CNTN1: variants seen among roughly 807,000 people sequenced by gnomAD.
CNTN1 encodes the protein contactin-1.
A neutral mutation model predicts 126.4 loss-of-function variants in CNTN1; 38 were observed. The ratio of observed to expected loss-of-function variants is 0.30; its 90% CI spans 0.23 to 0.39. The LOEUF is 0.39. Among genes scored for constraint, CNTN1 ranks in the 10% least tolerant of loss-of-function variants. The probability of loss-of-function intolerance (pLI) is 1.00; values close to 1 mark genes in which losing one functional copy is unlikely to be tolerated. For missense variants in CNTN1, 1,009 were observed against 1,248.4 expected (o/e 0.81, Z 2.89); for synonymous variants, 413 against 422.6 (o/e 0.98, Z 0.28).
At chr12:40,746,434 G>C (rs1376573750) in intron 1 of CNTN1, among the ~76,000 whole-genome samples, 1 of 152,094 alleles carries the variant, frequency 6.6e-6, no homozygotes, top group Non-Finnish European at 1.5e-5. Context: ...GAATTTGACT[G>C]AGGGGCATAA....
In CNTN1 at chr12:40,826,644, C is replaced by T. The variant is rs1381453730; in HGVS notation, c.-76-81713C>T. Among the ~76,000 whole-genome samples the T allele has an allele frequency of 2.0e-5, 3 of 152,182 alleles. No homozygotes were observed. In the South Asian group the frequency reaches 6.2e-4, roughly 32 times the overall value. On this transcript the variant is annotated intron_variant, in intron 1 of 23. Coordinates refer to ENST00000551295, the MANE Select transcript of CNTN1 (RefSeq NM_001843.4). ...TCTGCACCTATTGTCATCAGCACCC[C>T]TACTACCTTCAAGGGCTGATATCAA... is the stretch of plus-strand genomic sequence containing the variant.
intron 1 of CNTN1, among the ~76,000 whole-genome samples, chr12:40,791,315 A>T (rs1940212943): frequency 6.6e-6 from 1 of 152,172 alleles, no homozygotes; most frequent in African/African-American, 2.4e-5. Flanking sequence ...GACAATACGT[A>T]TACGTAGAGT....
intron 20 of CNTN1, 66 bp downstream of exon 20, chr12:41,020,506 G>A: frequency 6.9e-6 from 7 of 1,018,896 alleles, no homozygotes; most frequent in Non-Finnish European, 6.0e-6. Flanking sequence ...GTTTTCAAAT[G>A]TGTTGTATGT....
chr12:40,717,981 C>T (rs1942090970), intron 1 of CNTN1, among the ~76,000 whole-genome samples: 1 of 152,120 alleles, frequency 6.6e-6, no homozygotes, highest in African/African-American at 2.4e-5. Flanking sequence ...AATTGAATGA[C>T]TTAAAAGTAG....
At chr12:40,708,359 G>A (rs1453806141) in intron 1 of CNTN1, among the ~76,000 whole-genome samples, 1 of 152,166 alleles carries the variant, frequency 6.6e-6, no homozygotes, top group Non-Finnish European at 1.5e-5. Flanking sequence ...TATTAAGTGT[G>A]CAATAGCATT....
intron 1 of CNTN1, among the ~76,000 whole-genome samples, chr12:40,785,486 C>T (rs1474948675): frequency 3.9e-5 from 6 of 152,030 alleles, no homozygotes; most frequent in South Asian, 2.1e-4. Flanking sequence ...TGGGTGCGGG[C>T]GGGCTGAGTC....
In CNTN1 at chr12:40,913,628, G is replaced by A. The variant is rs147427910; in HGVS notation, c.94+3523G>A. Among the ~76,000 whole-genome samples the A allele has an allele frequency of 5.9e-4, 90 of 152,248 alleles. 1 individual carries two copies. The East Asian group carries it at 6.6e-3, about 11-fold the overall frequency. ...ATATAAAATGAATACAAATATCTCT[G>A]AAGTACAAATCATAATTTTACTTTC... On this transcript the variant is annotated intron_variant, in intron 3 of 23. Coordinates refer to ENST00000551295, the MANE Select transcript of CNTN1 (RefSeq NM_001843.4).
intron 3 of CNTN1, among the ~76,000 whole-genome samples, chr12:40,911,733 G>A (rs779610485): frequency 1.3e-5 from 2 of 152,008 alleles, no homozygotes; most frequent in Non-Finnish European, 2.9e-5. Context: ...GAGCATGCTT[G>A]TTTTTTTTCT....
chr12:40,922,404 A>G lies in CNTN1; in HGVS notation c.376A>G (p.Thr126Ala), dbSNP rs539717649. ...TAATAACTACGGGATGGTCAGAAGC[A>G]CTGAAGCAACCCTGAGCTTTGGATG... ...ASNNYGMVRS[T>A]EATLSFGYLD... Residue 126 changes from threonine to alanine, a missense_variant, in exon 5 of 24, where the codon ACT (threonine) becomes GCT (alanine). Coordinates refer to ENST00000551295, the MANE Select transcript of CNTN1 (RefSeq NM_001843.4). 1 of 1,614,048 alleles carries G rather than the reference A, an allele frequency of 6.2e-7. No homozygotes were observed. The highest frequency in any genetic ancestry group is 1.1e-5 in the South Asian group (1 of 91,090).
At chr12:40,799,538 C>A (rs568843317) in intron 1 of CNTN1, among the ~76,000 whole-genome samples, 21 of 151,976 alleles carry the variant, frequency 1.4e-4, no homozygotes, top group South Asian at 8.3e-4. Flanking sequence ...CTACACTTGG[C>A]TCTCCTTGTG....
intron 16 of CNTN1, among the ~76,000 whole-genome samples, chr12:40,985,554 A>G (rs553421417): frequency 6.6e-5 from 10 of 152,026 alleles, no homozygotes; most frequent in Admixed American, 4.6e-4. Context: ...TTTTGTCTCC[A>G]TTGTTTTGGG....
intron 1 of CNTN1, among the ~76,000 whole-genome samples, chr12:40,868,540 G>A (rs891386171): frequency 6.6e-6 from 1 of 152,074 alleles, no homozygotes; most frequent in Non-Finnish European, 1.5e-5. Context: ...CTCAGCAGTA[G>A]CATTCCTTTA....
At chr12:40,829,006 T>C (rs78356706) in intron 1 of CNTN1, among the ~76,000 whole-genome samples, 1 of 152,246 alleles carries the variant, frequency 6.6e-6, no homozygotes, top group Admixed American at 6.5e-5. Flanking sequence ...TATACAATTA[T>C]AGGACCCACT....
chr12:40,718,518 C>G (rs866026731), intron 1 of CNTN1, among the ~76,000 whole-genome samples: 98 of 152,200 alleles, frequency 6.4e-4, no homozygotes, highest in African/African-American at 2.2e-3. Context: ...CGAGAGGCTT[C>G]CAGTCAACAC....
intron 1 of CNTN1, among the ~76,000 whole-genome samples, chr12:40,712,480 T>A (rs574681355): frequency 9.9e-5 from 15 of 152,212 alleles, no homozygotes; most frequent in African/African-American, 3.4e-4. Context: ...GTTCTTATAC[T>A]CTGTCATCTG....
chr12:40,848,910 TTAAA>T (rs1428172117), intron 1 of CNTN1, among the ~76,000 whole-genome samples: 12 of 151,964 alleles, frequency 7.9e-5, no homozygotes, highest in East Asian at 5.8e-4. Context: ...AATTGCCCTC[TTAAA>T]TAAAATAATC....
At chr12:40,899,572 T>C (rs2044091) in intron 1 of CNTN1, among the ~76,000 whole-genome samples, 76,987 of 151,992 alleles carry the variant, frequency 0.51, 19,594 homozygotes, top group Admixed American at 0.54. Context: ...TTTAGAGATG[T>C]GTTGGCTGAA....
intron 1 of CNTN1, among the ~76,000 whole-genome samples, chr12:40,867,506 CA>C (rs922254698): frequency 6.6e-5 from 10 of 151,942 alleles, no homozygotes; most frequent in African/African-American, 1.9e-4. Context: ...GTTTTCACTA[CA>C]AAAAACAATA....
chr12:41,064,160 T>C (rs1950000404), intron 23 of CNTN1, among the ~76,000 whole-genome samples: 1 of 132,960 alleles, frequency 7.5e-6, no homozygotes, highest in African/African-American at 3.0e-5. Context: ...GGCGACTGAG[T>C]GAGACTCCAT....
Sources: allele counts gnomAD v4.1 joint callset (sites outside exome capture counted in the v4.1 genomes callset), GRCh38; gene constraint gnomAD v4.1.1; transcripts MANE v1.5; gene names NCBI Gene and HGNC (gene_info 2026-07-23, HGNC 2026-07-21).